WIF1: variants seen among roughly 807,000 people sequenced by gnomAD.
WIF1 encodes Wnt inhibitory factor 1.
In WIF1, 35 loss-of-function variants were observed where a neutral mutation model predicts 53.5. That is an observed-to-expected ratio of 0.65 (90% CI 0.50 to 0.87). WIF1 has a LOEUF of 0.87. WIF1 is among the 40% of genes least tolerant of loss of function. WIF1 has a pLI of 0.00. For missense variants in WIF1, 467 were observed against 476.8 expected (o/e 0.98, Z 0.19); for synonymous variants, 171 against 170.4 (o/e 1.00, Z -0.03).
At chr12:65,072,004 A>C (rs2136617872) in intron 3 of WIF1, among the ~76,000 whole-genome samples, 1 of 152,148 alleles carries the variant, frequency 6.6e-6, no homozygotes, top group East Asian at 1.9e-4. Flanking sequence ...TCTTGTGCAA[A>C]CCCTACTTGT....
intron 2 of WIF1, among the ~76,000 whole-genome samples, chr12:65,110,731 C>T (rs897368062): frequency 2.6e-5 from 4 of 152,146 alleles, no homozygotes; most frequent in Non-Finnish European, 5.9e-5. Flanking sequence ...GGAGCTGTTC[C>T]GGGACCTGGA....
At chr12:65,115,818 A>C (rs1883500082) in intron 2 of WIF1, among the ~76,000 whole-genome samples, 1 of 152,194 alleles carries the variant, frequency 6.6e-6, no homozygotes, top group Non-Finnish European at 1.5e-5. Context: ...ATTTCAGGCA[A>C]GAAAGATTTG....
At position 65,062,500 on chromosome 12, in the gene WIF1, C is replaced by A. The variant is rs772563432; in HGVS notation, c.807G>T (p.Glu269Asp). 4 of 1,607,270 alleles carry A rather than the reference C, an allele frequency of 2.5e-6. No individual in the cohort carries two copies. The highest frequency in any genetic ancestry group is 2.2e-5 in the East Asian group (1 of 44,824). ...PGKCICPPGL[E>D]GEQCEISKCP... ...ACTCACTGATTTCACACTGCTCTCC[C>A]TCTAGTCCTGGAGGGCAAATACATT... Residue 269 changes from glutamate to aspartate, a missense_variant, in exon 7 of 10, where the codon GAG (glutamate) becomes GAT (aspartate). Transcript: ENST00000286574.
intron 7 of WIF1, among the ~76,000 whole-genome samples, chr12:65,057,629 T>C (rs1396761678): frequency 6.6e-6 from 1 of 152,174 alleles, no homozygotes; most frequent in Non-Finnish European, 1.5e-5. Context: ...GTTGTTCTTT[T>C]TCTTTTCTTT....
intron 2 of WIF1, among the ~76,000 whole-genome samples, chr12:65,095,064 C>T (rs1265399191): frequency 6.6e-6 from 1 of 151,492 alleles, no homozygotes; most frequent in Non-Finnish European, 1.5e-5. Flanking sequence ...TCTGCAGTGG[C>T]TGGGACTACA....
intron 2 of WIF1, among the ~76,000 whole-genome samples, chr12:65,099,646 C>A (rs1455082061): frequency 6.6e-6 from 1 of 152,164 alleles, no homozygotes; most frequent in Non-Finnish European, 1.5e-5. Context: ...TGCCTGGGTA[C>A]TTTCTCCAAA....
intron 2 of WIF1, among the ~76,000 whole-genome samples, chr12:65,118,532 T>G (rs569804896): frequency 4.2e-4 from 64 of 152,216 alleles, no homozygotes; most frequent in African/African-American, 1.5e-3. Context: ...GCCGAATGAG[T>G]AGAGAGAGAA....
At chr12:65,117,369 C>T (rs184680461) in intron 2 of WIF1, among the ~76,000 whole-genome samples, 70 of 152,222 alleles carry the variant, frequency 4.6e-4, no homozygotes, top group Middle Eastern at 6.8e-3. Context: ...AAAGATCTGA[C>T]GAAGTTGATG....
chr12:65,070,111 C>T (rs999330062), intron 3 of WIF1, among the ~76,000 whole-genome samples: 28 of 152,138 alleles, frequency 1.8e-4, no homozygotes, highest in African/African-American at 5.3e-4. Flanking sequence ...AACTGGACTG[C>T]CCTTTTCTGT....
chr12:65,071,540 T>A (rs980580995), intron 3 of WIF1, among the ~76,000 whole-genome samples: 2 of 152,238 alleles, frequency 1.3e-5, no homozygotes, highest in African/African-American at 2.4e-5. Context: ...ATTACTGTTA[T>A]AACTGATATG....
At chr12:65,055,027 G>T in intron 9 of WIF1, 91 bp downstream of exon 9, 1 of 1,324,436 alleles carries the variant, frequency 7.6e-7, no homozygotes, top group Non-Finnish European at 1.0e-6. Flanking sequence ...CCAAGAAACC[G>T]AAGTGAAAAG....
intron 2 of WIF1, among the ~76,000 whole-genome samples, chr12:65,114,168 TTTTTTTTA>T (rs1232291599): frequency 1.0e-5 from 1 of 99,502 alleles, no homozygotes; most frequent in Non-Finnish European, 2.6e-5. Flanking sequence ...ATTTACCCTA[TTTTTTTTA>T]TTTTTTTTTG....
intron 2 of WIF1, among the ~76,000 whole-genome samples, chr12:65,092,959 C>T (rs1166532284): frequency 6.6e-6 from 1 of 152,104 alleles, no homozygotes; most frequent in Non-Finnish European, 1.5e-5. Flanking sequence ...CCTGGAGGAG[C>T]TAGACCCTAC....
intron 2 of WIF1, among the ~76,000 whole-genome samples, chr12:65,099,015 G>T (rs1883243297): frequency 6.6e-6 from 1 of 152,114 alleles, no homozygotes; most frequent in Admixed American, 6.6e-5. Flanking sequence ...TTAACATAGA[G>T]TCCAGAGCAT....
At chr12:65,080,926 T>G (rs1592394452) in intron 2 of WIF1, among the ~76,000 whole-genome samples, 2 of 152,280 alleles carry the variant, frequency 1.3e-5, no homozygotes, top group Admixed American at 1.3e-4. Flanking sequence ...ATTTAAAAAT[T>G]ACATTTGTAA....
intron 2 of WIF1, among the ~76,000 whole-genome samples, chr12:65,090,246 A>G (rs1883103010): frequency 6.6e-6 from 1 of 152,082 alleles, no homozygotes; most frequent in Non-Finnish European, 1.5e-5. Flanking sequence ...GAGGCTGGGG[A>G]GAATGTGGGT....
chr12:65,053,919 A>G (rs1223264973), intron 9 of WIF1, among the ~76,000 whole-genome samples: 4 of 151,842 alleles, frequency 2.6e-5, no homozygotes, highest in African/African-American at 9.7e-5. Context: ...TTAGCACCCC[A>G]GTGGATAATT....
intron 7 of WIF1, among the ~76,000 whole-genome samples, chr12:65,061,101 T>C (rs1882604754): frequency 6.6e-6 from 1 of 152,198 alleles, no homozygotes. Flanking sequence ...GAGATATCTT[T>C]ATCCGGGAAG....
chr12:65,088,620 T>C (rs1883077972), intron 2 of WIF1, among the ~76,000 whole-genome samples: 1 of 152,138 alleles, frequency 6.6e-6, no homozygotes, highest in South Asian at 2.1e-4. Context: ...CTAAGTCCAA[T>C]GAGCCCTTTC....
Sources: allele counts gnomAD v4.1 joint callset (sites outside exome capture counted in the v4.1 genomes callset), GRCh38; gene constraint gnomAD v4.1.1; transcripts MANE v1.5; gene names NCBI Gene and HGNC (gene_info 2026-07-23, HGNC 2026-07-21).